The following AJAP1 variants were observed in gnomAD, a reference collection of about 807,000 sequenced individuals.
AJAP1 encodes the protein adherens junctions associated protein 1, also known as adherens junction-associated protein 1.
A neutral mutation model predicts 35.0 loss-of-function variants in AJAP1; 5 were observed. The observed-to-expected ratio is 0.14, with a 90% confidence interval of 0.07 to 0.30. AJAP1 has a LOEUF of 0.30. AJAP1 is among the 10% of genes least tolerant of loss of function. The pLI, the probability that AJAP1 is intolerant of heterozygous loss-of-function variation, is 1.00. For missense variants in AJAP1, 586 were observed against 571.0 expected (o/e 1.03, Z -0.27); for synonymous variants, 284 against 249.3 (o/e 1.14, Z -1.31).
intron 2 of AJAP1, among the ~76,000 whole-genome samples, chr1:4,762,442 T>C (rs1220767982): frequency 6.6e-6 from 1 of 152,118 alleles, no homozygotes; most frequent in Non-Finnish European, 1.5e-5. Flanking sequence ...GAGACTGGGG[T>C]CAGCCATGCC....
At chr1:4,695,961 G>A (rs1026541328) in intron 1 of AJAP1, among the ~76,000 whole-genome samples, 14 of 152,076 alleles carry the variant, frequency 9.2e-5, no homozygotes, top group South Asian at 2.1e-4. Context: ...TCGTACTGGG[G>A]GGTTCATCAA....
At position 4,655,145 on chromosome 1, in the gene AJAP1, G is replaced by A. The variant is rs1638846550; in HGVS notation, c.-281G>A. The A allele has an allele frequency of 6.7e-6, 1 of 149,100 alleles. No individual in the cohort carries two copies. The highest frequency in any genetic ancestry group is 6.7e-5 in the Admixed American group (1 of 14,972). The allele number at this position is 149,100 out of a possible 1,614,324, so 9.2% of individuals were successfully genotyped here. ...TCGCTGCCGCCTTCGCTGTGCCGCC[G>A]GCGGAGGGGGCCGCGAGCCCCGCGC... On this transcript the variant is annotated 5_prime_UTR_variant, in exon 1 of 6. Transcript: ENST00000378191. The surrounding 1 kb of genome is among the most constrained non-coding windows in gnomAD (Gnocchi z 6.9).
chr1:4,752,805 A>G (rs1043623036), intron 2 of AJAP1, among the ~76,000 whole-genome samples: 1 of 152,238 alleles, frequency 6.6e-6, no homozygotes, highest in Non-Finnish European at 1.5e-5. Context: ...AAAGACAACT[A>G]TAGAACCAGG....
At chr1:4,675,367 A>C (rs1037606805) in intron 1 of AJAP1, among the ~76,000 whole-genome samples, 29 of 152,238 alleles carry the variant, frequency 1.9e-4, no homozygotes, top group African/African-American at 6.8e-4. Flanking sequence ...GGATCCACGC[A>C]TGGAGTTTCC....
intron 1 of AJAP1, among the ~76,000 whole-genome samples, chr1:4,667,767 G>A (rs1639163385): frequency 6.6e-6 from 1 of 152,176 alleles, no homozygotes; most frequent in Non-Finnish European, 1.5e-5. Context: ...TTGCTGCTTG[G>A]GGTGAAGTCA....
intron 1 of AJAP1, among the ~76,000 whole-genome samples, chr1:4,699,036 G>A (rs564070540): frequency 5.5e-4 from 84 of 152,304 alleles, no homozygotes; most frequent in African/African-American, 1.9e-3. Flanking sequence ...CCCTGGGGGC[G>A]TGGCCTCCTG....
At chr1:4,658,550 C>T (rs1638933234) in intron 1 of AJAP1, among the ~76,000 whole-genome samples, 1 of 152,246 alleles carries the variant, frequency 6.6e-6, no homozygotes, top group Non-Finnish European at 1.5e-5. Flanking sequence ...TTGATTGCAA[C>T]TGGAATCTAT....
At chr1:4,710,082 A>G (rs1271409846) in intron 1 of AJAP1, among the ~76,000 whole-genome samples, 2 of 152,004 alleles carry the variant, frequency 1.3e-5, no homozygotes, top group Non-Finnish European at 2.9e-5. Context: ...TCTCTCACAC[A>G]GACACTCACA....
chr1:4,762,532 T>C (rs1036615103), intron 2 of AJAP1, among the ~76,000 whole-genome samples: 2 of 152,238 alleles, frequency 1.3e-5, no homozygotes, highest in Admixed American at 1.3e-4. Flanking sequence ...TCATGCGTAT[T>C]GTCACACATC....
In AJAP1 at chr1:4,734,735, G is replaced by T. The variant is rs1345163245; in HGVS notation, c.829+22036G>T. ...ATGATCTGTCTTTCGGGTGTTCTTG[G>T]AAGGAAGGAGAAGGGCAGCACCCAA... On this transcript the variant is annotated intron_variant, in intron 2 of 5. Transcript: ENST00000378191. The surrounding 1 kb of genome is among the most constrained non-coding windows in gnomAD (Gnocchi z 4.3). Among the ~76,000 whole-genome samples, 3 of 152,176 alleles carry T rather than the reference G, an allele frequency of 2.0e-5. No homozygotes were observed. The highest frequency in any genetic ancestry group is 4.4e-5 in the Non-Finnish European group (3 of 68,024).
At chr1:4,662,907 A>G (rs984025349) in intron 1 of AJAP1, among the ~76,000 whole-genome samples, 4 of 152,198 alleles carry the variant, frequency 2.6e-5, no homozygotes, top group Non-Finnish European at 5.9e-5. Flanking sequence ...AAGAAGTCCT[A>G]TCTGGTCAGA....
intron 1 of AJAP1, among the ~76,000 whole-genome samples, chr1:4,695,438 C>T (rs905122529): frequency 1.3e-5 from 2 of 152,110 alleles, no homozygotes; most frequent in African/African-American, 4.8e-5. Context: ...CCAAGGTGGG[C>T]CCGTGCTTGT....
intron 2 of AJAP1, among the ~76,000 whole-genome samples, chr1:4,739,076 G>A (rs1017083551): frequency 5.9e-5 from 9 of 152,104 alleles, no homozygotes; most frequent in East Asian, 3.9e-4. Flanking sequence ...CATGGGCACC[G>A]GAATTCTTGG....
At chr1:4,754,810 G>C (rs1162079891) in intron 2 of AJAP1, among the ~76,000 whole-genome samples, 2 of 152,160 alleles carry the variant, frequency 1.3e-5, no homozygotes, top group African/African-American at 2.4e-5. Flanking sequence ...CCAAGCGAGC[G>C]AGCCTCCCTT....
chr1:4,681,103 T>C (rs1030799726), intron 1 of AJAP1, among the ~76,000 whole-genome samples: 2 of 152,172 alleles, frequency 1.3e-5, no homozygotes, highest in African/African-American at 2.4e-5. Flanking sequence ...AGGTGCAGTT[T>C]TTAGATTAAA....
At chr1:4,719,678 G>A (rs1640475387) in intron 2 of AJAP1, among the ~76,000 whole-genome samples, 1 of 152,196 alleles carries the variant, frequency 6.6e-6, no homozygotes, top group Non-Finnish European at 1.5e-5. Context: ...TGCTGAATAA[G>A]ACAACCTCCG....
chr1:4,701,937 AC>A (rs1235007901), intron 1 of AJAP1, among the ~76,000 whole-genome samples: 6 of 151,176 alleles, frequency 4.0e-5, no homozygotes, highest in Non-Finnish European at 8.8e-5. Flanking sequence ...CTCCCCCAAC[AC>A]CCCGCCATGC....
rs571921208 is a variant in AJAP1, at chr1:4,783,220, C to T, written c.*735C>T. ...GTCACACACATATTACACACATGTG[C>T]GCATTACACACACACAATACACATA... On this transcript the variant is annotated 3_prime_UTR_variant, in exon 6 of 6. Transcript: ENST00000378191. 14 of 127,136 alleles carry T rather than the reference C, an allele frequency of 1.1e-4. No homozygotes were observed. In the South Asian group the frequency reaches 1.8e-3, roughly 16 times the overall value. 7.9% of individuals were successfully genotyped at this position (127,136 alleles called of 1,614,324 possible). A position where few individuals can be genotyped will look rare whatever the true frequency, so the allele number is the denominator to read the frequency against.
chr1:4,735,438 G>A (rs139337089), intron 2 of AJAP1, among the ~76,000 whole-genome samples: 7 of 152,232 alleles, frequency 4.6e-5, no homozygotes, highest in African/African-American at 1.7e-4. Context: ...TGAATGTCTC[G>A]CCCATCCAAT....
Sources: allele counts gnomAD v4.1 joint callset (sites outside exome capture counted in the v4.1 genomes callset), GRCh38; gene constraint gnomAD v4.1.1; non-coding constraint Gnocchi (gnomAD v3.1); transcripts MANE v1.5; gene names NCBI Gene and HGNC (gene_info 2026-07-23, HGNC 2026-07-21).